CFAP299: variants seen among roughly 807,000 people sequenced by gnomAD.
CFAP299 encodes cilia- and flagella-associated protein 299.
CFAP299 carries 21 observed loss-of-function variants against 27.0 expected under a neutral mutation model. The ratio of observed to expected loss-of-function variants is 0.78; its 90% CI spans 0.55 to 1.12. CFAP299 has a LOEUF of 1.12. CFAP299 is among the 50% of genes most tolerant of loss of function. The pLI is 0.00. For synonymous variants in CFAP299, 104 were observed against 98.1 expected (o/e 1.06, Z -0.36); for missense variants, 310 against 276.6 (o/e 1.12, Z -0.86).
At chr4:80,821,335 A>G (rs1323019068) in intron 3 of CFAP299, among the ~76,000 whole-genome samples, 2 of 152,210 alleles carry the variant, frequency 1.3e-5, no homozygotes, top group African/African-American at 4.8e-5. Flanking sequence ...TTAAATTTTA[A>G]AAGTGTTTAT....
At chr4:80,525,104 T>C (rs557188822) in intron 2 of CFAP299, among the ~76,000 whole-genome samples, 1 of 152,250 alleles carries the variant, frequency 6.6e-6, no homozygotes, top group East Asian at 1.9e-4. Context: ...CATTTGCTTC[T>C]TTAAGGCCAG....
chr4:80,844,959 A>C (rs1375312354), intron 3 of CFAP299, among the ~76,000 whole-genome samples: 6 of 152,192 alleles, frequency 3.9e-5, no homozygotes, highest in Non-Finnish European at 2.9e-5. Flanking sequence ...ATCCAGTTTC[A>C]GCTTTCTACA....
At chr4:80,859,819 C>T (rs576911714) in intron 3 of CFAP299, among the ~76,000 whole-genome samples, 250 of 152,208 alleles carry the variant, frequency 1.6e-3, no homozygotes, top group Non-Finnish European at 2.9e-3. Context: ...GGTAACCCGA[C>T]CTTTCTCTCT....
intron 4 of CFAP299, among the ~76,000 whole-genome samples, chr4:80,881,523 A>G (rs1332542515): frequency 6.6e-6 from 1 of 152,028 alleles, no homozygotes; most frequent in East Asian, 1.9e-4. Context: ...AGTTTCCAGT[A>G]AGTTTCCAGC....
rs750748637 is a variant in CFAP299, at chr4:80,819,702, T to C, written c.334-50291T>C. On this transcript the variant is annotated intron_variant, in intron 3 of 5. Transcript: ENST00000358105. ...TAGTTTCCTAAACTGAAAAGATCAA[T>C]GGGGGAACAGCCCAATTCATAAAAT... Among the ~76,000 whole-genome samples the C allele has an allele frequency of 3.9e-5, 6 of 152,218 alleles. No homozygotes were observed. The South Asian group carries it at 1.0e-3, about 26-fold the overall frequency.
chr4:80,428,712 G>A (rs1031881511), intron 2 of CFAP299, among the ~76,000 whole-genome samples: 1 of 113,386 alleles, frequency 8.8e-6, no homozygotes, highest in African/African-American at 3.1e-5. Flanking sequence ...TTTTTTGTTT[G>A]TATTTTTAGT....
At chr4:80,504,472 TA>T (rs937138145) in intron 2 of CFAP299, among the ~76,000 whole-genome samples, 1 of 98,888 alleles carries the variant, frequency 1.0e-5, no homozygotes, top group African/African-American at 3.8e-5. Flanking sequence ...CATATATATA[TA>T]TATATATATA....
intron 2 of CFAP299, among the ~76,000 whole-genome samples, chr4:80,397,687 C>T (rs1725881668): frequency 6.6e-6 from 1 of 152,124 alleles, no homozygotes; most frequent in Non-Finnish European, 1.5e-5. Context: ...GGACATATCT[C>T]AAAATAATAA....
At chr4:80,644,023 G>C (rs1739859778) in intron 3 of CFAP299, among the ~76,000 whole-genome samples, 1 of 152,114 alleles carries the variant, frequency 6.6e-6, no homozygotes, top group Admixed American at 6.6e-5. Context: ...TAGCAAAGTA[G>C]TTGAATGCAT....
chr4:80,440,900 CT>C (rs1205808114), intron 2 of CFAP299, among the ~76,000 whole-genome samples: 1 of 152,146 alleles, frequency 6.6e-6, no homozygotes, highest in Admixed American at 6.5e-5. Flanking sequence ...AGCATGAGAA[CT>C]TCATGAAGCA....
intron 3 of CFAP299, among the ~76,000 whole-genome samples, chr4:80,777,328 C>T (rs1018711826): frequency 2.0e-5 from 3 of 152,092 alleles, no homozygotes; most frequent in Admixed American, 1.3e-4. Flanking sequence ...ACCCCTGCAT[C>T]CCACACCTCC....
At chr4:80,847,606 C>T (rs771343655) in intron 3 of CFAP299, among the ~76,000 whole-genome samples, 10 of 152,204 alleles carry the variant, frequency 6.6e-5, no homozygotes, top group Admixed American at 6.5e-5. Context: ...GCACTAACTA[C>T]GTGACCCTAG....
intron 5 of CFAP299, among the ~76,000 whole-genome samples, chr4:80,948,022 G>A (rs1323609143): frequency 6.6e-6 from 1 of 152,046 alleles, no homozygotes; most frequent in Non-Finnish European, 1.5e-5. Flanking sequence ...CATAACTCCA[G>A]TAGTTAAAGA....
chr4:80,861,210 G>T (rs562979364), intron 3 of CFAP299, among the ~76,000 whole-genome samples: 2 of 152,202 alleles, frequency 1.3e-5, no homozygotes, highest in African/African-American at 2.4e-5. Flanking sequence ...AGGACCCTCC[G>T]AGCCAGGTGC....
intron 1 of CFAP299, among the ~76,000 whole-genome samples, chr4:80,354,726 T>A (rs1723180635): frequency 6.6e-6 from 1 of 152,152 alleles, no homozygotes; most frequent in Non-Finnish European, 1.5e-5. Flanking sequence ...TATATGTCCA[T>A]GTGTTCTCAC....
intron 4 of CFAP299, among the ~76,000 whole-genome samples, chr4:80,913,601 G>A (rs1416508066): frequency 1.3e-5 from 2 of 152,130 alleles, no homozygotes; most frequent in African/African-American, 2.4e-5. Context: ...AAGAGGCTTC[G>A]CGATTTTGGC....
intron 4 of CFAP299, among the ~76,000 whole-genome samples, chr4:80,886,934 A>G (rs1733999493): frequency 6.6e-6 from 1 of 152,134 alleles, no homozygotes; most frequent in Non-Finnish European, 1.5e-5. Flanking sequence ...TGCAACTGAC[A>G]TACTGAAGAA....
intron 3 of CFAP299, among the ~76,000 whole-genome samples, chr4:80,624,889 A>T (rs1738803554): frequency 2.0e-5 from 3 of 152,184 alleles, no homozygotes; most frequent in African/African-American, 7.2e-5. Flanking sequence ...TGCTCAGCAA[A>T]ACTATTCTTC....
chr4:80,837,701 T>C (rs1730642312), intron 3 of CFAP299, among the ~76,000 whole-genome samples: 1 of 152,168 alleles, frequency 6.6e-6, no homozygotes, highest in African/African-American at 2.4e-5. Context: ...CACATTTGGG[T>C]TGGTTCCAAG....
Sources: allele counts gnomAD v4.1 joint callset (sites outside exome capture counted in the v4.1 genomes callset), GRCh38; gene constraint gnomAD v4.1.1; transcripts MANE v1.5; gene names NCBI Gene and HGNC (gene_info 2026-07-23, HGNC 2026-07-21).